The following SUPT3H variants were observed in gnomAD, a reference collection of about 807,000 sequenced individuals.
SUPT3H encodes the protein transcription initiation protein SPT3 homolog.
Under a neutral mutation model 44.3 loss-of-function variants are expected in SUPT3H, and 44 were observed. That is an observed-to-expected ratio of 0.99 (90% CI 0.78 to 1.28). The LOEUF is 1.28. SUPT3H is among the 50% of genes most tolerant of loss of function. The pLI is 0.00. For synonymous variants in SUPT3H, 124 were observed against 125.6 expected (o/e 0.99, Z 0.09); for missense variants, 380 against 387.1 (o/e 0.98, Z 0.15).
chr6:45,365,220 T>C lies in SUPT3H; in HGVS notation c.82A>G (p.Thr28Ala), dbSNP rs199710543. 8 of 1,610,220 alleles carry C rather than the reference T, an allele frequency of 5.0e-6. No homozygotes were observed. Among genetic ancestry groups the C allele is most frequent in the Non-Finnish European group, 5.9e-6 (7 of 1,177,608 alleles). Reference protein sequence around the residue: ...RSTGKSISFATELQSMMYSLG... With the variant: ...RSTGKSISFAAELQSMMYSLG... ...ACTTACATCATACTCTGTAATTCTG[T>C]TGCAAAGCTTATAGACTTCCCTGTA... The change falls in exon 2 of 11, where the codon ACA (threonine) becomes GCA (alanine). Residue 28 changes from threonine to alanine, a missense_variant. Thr to Ala is a moderately conservative substitution (Grantham distance 58). Coordinates refer to ENST00000371459, the MANE Select transcript of SUPT3H (RefSeq NM_003599.4).
At chr6:45,203,208 T>C (rs1320508788) in intron 2 of SUPT3H, among the ~76,000 whole-genome samples, 2 of 152,094 alleles carry the variant, frequency 1.3e-5, no homozygotes, top group Admixed American at 6.5e-5. Flanking sequence ...GAAAACACCA[T>C]GTAAAGACAA....
chr6:45,204,777 C>T (rs142829481), intron 2 of SUPT3H, among the ~76,000 whole-genome samples: 1 of 152,224 alleles, frequency 6.6e-6, no homozygotes, highest in African/African-American at 2.4e-5. Context: ...AGGCTGAAAC[C>T]CAAAATCACC....
At chr6:45,015,434 T>A (rs968576365) in intron 4 of SUPT3H, among the ~76,000 whole-genome samples, 1 of 152,126 alleles carries the variant, frequency 6.6e-6, no homozygotes, top group African/African-American at 2.4e-5. Flanking sequence ...GGACCTGAAG[T>A]TGCTCTGGTT....
At chr6:45,169,772 C>T (rs139064561) in intron 2 of SUPT3H, among the ~76,000 whole-genome samples, 65 of 152,234 alleles carry the variant, frequency 4.3e-4, no homozygotes, top group Admixed American at 8.5e-4. Flanking sequence ...CTAGGCAGAA[C>T]AGTAATATGT....
intron 3 of SUPT3H, among the ~76,000 whole-genome samples, chr6:45,054,719 T>C (rs1396624088): frequency 1.3e-5 from 2 of 152,168 alleles, no homozygotes; most frequent in Non-Finnish European, 2.9e-5. Context: ...GTTACATGCA[T>C]GCTTAGGAAA....
intron 2 of SUPT3H, among the ~76,000 whole-genome samples, chr6:45,305,977 A>G (rs946687397): frequency 1.1e-4 from 17 of 152,242 alleles, no homozygotes; most frequent in African/African-American, 4.1e-4. Context: ...GAGCCTCTCT[A>G]ATTCTGCATA....
At chr6:44,820,398 TGAA>T (rs966412216) in intron 11 of SUPT3H, among the ~76,000 whole-genome samples, 10 of 152,088 alleles carry the variant, frequency 6.6e-5, no homozygotes, top group African/African-American at 2.2e-4. Flanking sequence ...AAAACACAGT[TGAA>T]GAAGTTCAGA....
chr6:45,350,241 T>C (rs1484102937), intron 2 of SUPT3H, among the ~76,000 whole-genome samples: 1 of 152,172 alleles, frequency 6.6e-6, no homozygotes, highest in Non-Finnish European at 1.5e-5. Context: ...TGGTGCATAG[T>C]ACACAGTAGG....
At chr6:44,994,037 C>A (rs190947820) in intron 6 of SUPT3H, among the ~76,000 whole-genome samples, 114 of 151,984 alleles carry the variant, frequency 7.5e-4, no homozygotes, top group Middle Eastern at 3.4e-3. Flanking sequence ...GGCTCAAAAA[C>A]AAAACCAATA....
At chr6:44,946,066 G>T (rs562540925) in intron 9 of SUPT3H, among the ~76,000 whole-genome samples, 2 of 152,228 alleles carry the variant, frequency 1.3e-5, no homozygotes, top group South Asian at 4.1e-4. Flanking sequence ...TTCTGCTTAT[G>T]CTCTATAAGT....
At chr6:45,254,396 T>C (rs547519185) in intron 2 of SUPT3H, among the ~76,000 whole-genome samples, 1 of 152,134 alleles carries the variant, frequency 6.6e-6, no homozygotes. Flanking sequence ...AGCAATTTAA[T>C]ACAAAGGACA....
intron 3 of SUPT3H, among the ~76,000 whole-genome samples, chr6:45,021,400 G>A (rs949957642): frequency 2.0e-5 from 3 of 151,770 alleles, no homozygotes; most frequent in South Asian, 4.1e-4. Context: ...TGATAGTTCC[G>A]TTTTTTGGCA....
intron 2 of SUPT3H, among the ~76,000 whole-genome samples, chr6:45,154,843 C>T (rs1375830452): frequency 6.6e-6 from 1 of 152,112 alleles, no homozygotes; most frequent in Non-Finnish European, 1.5e-5. Context: ...ATGCCCTTTC[C>T]CCTATTAATC....
At chr6:44,931,303 C>T (rs1770548978) in intron 10 of SUPT3H, among the ~76,000 whole-genome samples, 1 of 152,080 alleles carries the variant, frequency 6.6e-6, no homozygotes, top group Non-Finnish European at 1.5e-5. Flanking sequence ...TTTTTCCCTT[C>T]CACTGTCTCA....
intron 1 of SUPT3H, among the ~76,000 whole-genome samples, chr6:45,365,730 A>G (rs1795022453): frequency 6.7e-6 from 1 of 150,040 alleles, no homozygotes; most frequent in South Asian, 2.1e-4. Flanking sequence ...TGATTTTTCT[A>G]GTTGATATAT....
chr6:45,201,633 T>C (rs1047415299), intron 2 of SUPT3H, among the ~76,000 whole-genome samples: 2 of 151,852 alleles, frequency 1.3e-5, no homozygotes, highest in Admixed American at 6.6e-5. Flanking sequence ...TTATAGTAAA[T>C]GTACTTCACA....
chr6:45,158,118 T>G (rs1449792275), intron 2 of SUPT3H, among the ~76,000 whole-genome samples: 1 of 145,784 alleles, frequency 6.9e-6, no homozygotes, highest in African/African-American at 2.5e-5. Flanking sequence ...TATATAATTA[T>G]TTTATAAATT....
chr6:45,081,068 T>C (rs541939032), intron 3 of SUPT3H, among the ~76,000 whole-genome samples: 5 of 150,740 alleles, frequency 3.3e-5, no homozygotes, highest in Non-Finnish European at 7.4e-5. Context: ...TATATGTACA[T>C]ATATATATAC....
intron 1 of SUPT3H, among the ~76,000 whole-genome samples, chr6:45,370,001 C>T (rs1392426002): frequency 6.6e-6 from 1 of 151,992 alleles, no homozygotes; most frequent in East Asian, 1.9e-4. Flanking sequence ...AGCCTTTAGG[C>T]CACAGGAGTT....
Sources: allele counts gnomAD v4.1 joint callset (sites outside exome capture counted in the v4.1 genomes callset), GRCh38; gene constraint gnomAD v4.1.1; transcripts MANE v1.5; gene names NCBI Gene and HGNC (gene_info 2026-07-23, HGNC 2026-07-21).